Variants in EPHA6 observed in about 807,000 individuals in gnomAD.
EPHA6 encodes EPH receptor A6, also known as ephrin type-A receptor 6.
A neutral mutation model predicts 112.0 loss-of-function variants in EPHA6; 50 were observed. The observed-to-expected ratio is 0.45, with a 90% CI of 0.36 to 0.56. EPHA6 has a LOEUF of 0.56. EPHA6 is among the 20% of genes least tolerant of loss of function. The pLI, the probability that EPHA6 is intolerant of heterozygous loss-of-function variation, is 0.00. For missense variants in EPHA6, 1,280 were observed against 1,417.4 expected, an observed-to-expected ratio of 0.90 and a Z score of 1.56; for synonymous variants, 529 against 490.7, an observed-to-expected ratio of 1.08 and a Z score of -1.03.
chr3:97,492,151 A>T (rs1015151919), intron 10 of EPHA6, among the ~76,000 whole-genome samples: 7 of 140,882 alleles, frequency 5.0e-5, no homozygotes, highest in Admixed American at 2.8e-4. Context: ...TTTTGTCTCT[A>T]AGACTATTTT....
intron 4 of EPHA6, 136 bp from the exon 5 acceptor site, chr3:97,243,816 C>T: frequency 1.6e-6 from 1 of 641,544 alleles, no homozygotes; most frequent in Non-Finnish European, 2.6e-6. Flanking sequence ...ACCATGTGAT[C>T]ATTATAGATC....
chr3:97,475,148 G>T (rs2091333289), intron 7 of EPHA6, among the ~76,000 whole-genome samples: 1 of 151,976 alleles, frequency 6.6e-6, no homozygotes, highest in Non-Finnish European at 1.5e-5. Flanking sequence ...GGTTTATGTT[G>T]TGGGTTATGG....
intron 5 of EPHA6, among the ~76,000 whole-genome samples, chr3:97,368,732 T>C (rs1349159860): frequency 2.0e-5 from 3 of 152,228 alleles, no homozygotes; most frequent in African/African-American, 7.2e-5. Flanking sequence ...TAGGTAAGCA[T>C]TTATTACTTC....
Position 97,483,926 on chromosome 3 carries a change from T to C in EPHA6, c.2075-8T>C, listed in dbSNP as rs766834492. ...ACTAAATCAATCGTTTTGTTATTGT[T>C]GTTGCAGTGCGCTTCCCGGGAATTA... On this transcript the variant is annotated splice_region_variant and splice_polypyrimidine_tract_variant and intron_variant, in intron 9 of 17. Transcript: ENST00000389672. 3.6e-5 allele frequency: 57 copies of C among 1,591,074 alleles called. No homozygotes were observed. The highest frequency in any genetic ancestry group is 4.4e-5 in the Non-Finnish European group (52 of 1,170,474).
chr3:97,369,115 G>A (rs1328568401), intron 5 of EPHA6, among the ~76,000 whole-genome samples: 1 of 152,186 alleles, frequency 6.6e-6, no homozygotes, highest in African/African-American at 2.4e-5. Context: ...GAGTACACTT[G>A]TAGTCAGACT....
At chr3:97,610,292 G>A (rs1426971281) in intron 12 of EPHA6, among the ~76,000 whole-genome samples, 1 of 151,476 alleles carries the variant, frequency 6.6e-6, no homozygotes, top group Non-Finnish European at 1.5e-5. Context: ...TATGACCGAT[G>A]GTTTATAATT....
intron 3 of EPHA6, among the ~76,000 whole-genome samples, chr3:97,071,072 C>A (rs1268323466): frequency 1.3e-5 from 2 of 151,950 alleles, no homozygotes; most frequent in Non-Finnish European, 2.9e-5. Flanking sequence ...GGACTAGATC[C>A]TTTGTTTGTC....
chr3:97,063,314 A>G (rs976892778), intron 3 of EPHA6, among the ~76,000 whole-genome samples: 2 of 152,224 alleles, frequency 1.3e-5, no homozygotes, highest in Non-Finnish European at 2.9e-5. Context: ...ATCCCCATCA[A>G]TGATAGACTG....
intron 4 of EPHA6, among the ~76,000 whole-genome samples, chr3:97,232,086 C>T (rs1317822623): frequency 6.6e-6 from 1 of 152,242 alleles, no homozygotes; most frequent in South Asian, 2.1e-4. Flanking sequence ...ATTCAAAGAA[C>T]TCCACATGCC....
intron 3 of EPHA6, among the ~76,000 whole-genome samples, chr3:97,187,655 AAAG>A (rs1356428130): frequency 1.7e-4 from 23 of 138,784 alleles, no homozygotes; most frequent in South Asian, 4.3e-4. Flanking sequence ...AGAGAGAAAG[AAAG>A]AAAGGAAAGA....
chr3:97,373,418 G>C (rs2085175541), intron 5 of EPHA6, among the ~76,000 whole-genome samples: 1 of 152,122 alleles, frequency 6.6e-6, no homozygotes, highest in Admixed American at 6.6e-5. Flanking sequence ...CTTTTCCACT[G>C]AGTCAAGTGG....
intron 1 of EPHA6, among the ~76,000 whole-genome samples, chr3:96,844,956 G>T (rs62262936): frequency 0.031 from 4,653 of 151,962 alleles, 108 homozygotes; most frequent in East Asian, 0.069. Context: ...AAATTATTTA[G>T]ACCAAGTTTG....
At chr3:97,379,653 A>G (rs1577164736) in intron 5 of EPHA6, among the ~76,000 whole-genome samples, 1 of 149,262 alleles carries the variant, frequency 6.7e-6, no homozygotes, top group African/African-American at 2.5e-5. Context: ...AGAGGCTGAG[A>G]CAGGAGAATT....
chr3:97,733,618 C>T (rs1201957362), intron 15 of EPHA6, among the ~76,000 whole-genome samples: 1 of 151,944 alleles, frequency 6.6e-6, no homozygotes, highest in Non-Finnish European at 1.5e-5. Context: ...ATAATTCCTG[C>T]TTTCAGGTAT....
intron 3 of EPHA6, among the ~76,000 whole-genome samples, chr3:97,115,372 A>C (rs1022790690): frequency 2.0e-5 from 3 of 151,884 alleles, no homozygotes; most frequent in Non-Finnish European, 4.4e-5. Context: ...GTGAAAGAAA[A>C]AAAATGTAGA....
chr3:97,090,430 G>T (rs550225332), intron 3 of EPHA6, among the ~76,000 whole-genome samples: 3 of 152,016 alleles, frequency 2.0e-5, no homozygotes, highest in African/African-American at 7.2e-5. Flanking sequence ...TAAATAAAAG[G>T]GTGGTTAGAC....
At chr3:97,709,929 C>A (rs1039100080) in intron 14 of EPHA6, among the ~76,000 whole-genome samples, 3 of 152,230 alleles carry the variant, frequency 2.0e-5, no homozygotes, top group Admixed American at 6.5e-5. Context: ...CCATGTGGAA[C>A]TGTGAGTCAA....
At chr3:96,853,021 A>G (rs938237230) in intron 1 of EPHA6, among the ~76,000 whole-genome samples, 3 of 152,050 alleles carry the variant, frequency 2.0e-5, no homozygotes, top group Non-Finnish European at 2.9e-5. Context: ...TGTTCATGTC[A>G]TTTTGACTTC....
At chr3:96,883,550 C>A (rs2037444867) in intron 2 of EPHA6, among the ~76,000 whole-genome samples, 1 of 152,108 alleles carries the variant, frequency 6.6e-6, no homozygotes, top group Admixed American at 6.5e-5. Flanking sequence ...AGTTTCAGGT[C>A]TTAGGTTTAA....
Sources: allele counts gnomAD v4.1 joint callset (sites outside exome capture counted in the v4.1 genomes callset), GRCh38; gene constraint gnomAD v4.1.1; transcripts MANE v1.5; gene names NCBI Gene and HGNC (gene_info 2026-07-23, HGNC 2026-07-21).